Variants in GAD1 observed in about 807,000 individuals in gnomAD.
The protein encoded by GAD1 is glutamate decarboxylase 1.
Under a neutral mutation model 75.2 loss-of-function variants are expected in GAD1, and 35 were observed. The ratio of observed to expected loss-of-function variants is 0.47; its 90% confidence interval spans 0.36 to 0.62. GAD1 has a LOEUF of 0.62. Ranked by LOEUF, GAD1 falls within the 20% of genes least tolerant of loss-of-function variation. GAD1 has a pLI of 0.00. For synonymous variants in GAD1, 257 were observed against 271.9 expected, an observed-to-expected ratio of 0.95 and a Z score of 0.54; for missense variants, 490 against 758.5, an observed-to-expected ratio of 0.65 and a Z score of 4.16.
At chr2:170,833,861 G>C (rs201519882) in intron 5 of GAD1, among the ~76,000 whole-genome samples, 2 of 152,116 alleles carry the variant, frequency 1.3e-5, no homozygotes, top group African/African-American at 4.8e-5. Flanking sequence ...TTAGCTGAGC[G>C]TGGTAGTGTG....
In GAD1 at chr2:170,818,148, G is replaced by A. The variant is rs993082024; in HGVS notation, c.-63-381G>A. On this transcript the variant is annotated intron_variant, in intron 1 of 16. Transcript: ENST00000358196. This position sits in a 1 kb window ranked among gnomAD's most constrained non-coding sequence, Gnocchi z 5.9. ...AATGGGGCTTGTAGCGGCTCGGCTG[G>A]AAAATCGCTCACTGAGCGCTCCCCT... The A allele has an allele frequency of 2.3e-4, 41 of 178,748 alleles. No individual in the cohort carries two copies. Among genetic ancestry groups the A allele is most frequent in the African/African-American group, 9.0e-4 (38 of 42,166 alleles). 11.1% of individuals were successfully genotyped at this position (178,748 alleles called of 1,614,324 possible). A position where few individuals can be genotyped will look rare whatever the true frequency, so the allele number is the denominator to read the frequency against.
At chr2:170,833,135 C>T (rs1702284678) in intron 5 of GAD1, among the ~76,000 whole-genome samples, 1 of 152,240 alleles carries the variant, frequency 6.6e-6, no homozygotes, top group Admixed American at 6.5e-5. Context: ...CCCTCTCATT[C>T]TTCCTCGTCA....
intron 3 of GAD1, among the ~76,000 whole-genome samples, chr2:170,828,079 C>A (rs1207408979): frequency 3.3e-5 from 1 of 30,756 alleles, no homozygotes; most frequent in African/African-American, 1.9e-4. Flanking sequence ...CCTCCCTCTG[C>A]TGTCCTCACC....
chr2:170,847,797 G>A lies in GAD1; in HGVS notation c.1119+5G>A. ...AACCTTTGGTTGCATGTCGATGTAA[G>A]TGCTATATAACTCAGGCCAGTCCAT... On this transcript the variant is annotated splice_donor_5th_base_variant and intron_variant, in intron 11 of 16. Transcript: ENST00000358196. 6.3e-7 allele frequency: 1 copy of A among 1,593,316 alleles called. No individual in the cohort carries two copies. Among genetic ancestry groups the A allele is most frequent in the South Asian group, 1.1e-5 (1 of 90,700 alleles).
intron 7 of GAD1, 150 bp downstream of exon 7, chr2:170,844,307 C>A: frequency 6.4e-6 from 4 of 626,410 alleles, no homozygotes; most frequent in Non-Finnish European, 5.9e-6. Flanking sequence ...AAAAATGCTA[C>A]ATTCTATATG....
intron 6 of GAD1, 100 bp from the exon 7 acceptor site, chr2:170,843,945 T>C (rs1328232175): frequency 5.3e-5 from 39 of 730,642 alleles, no homozygotes; most frequent in Non-Finnish European, 9.2e-5. Context: ...AGCTTTTTTT[T>C]AGAACCCAAC....
chr2:170,824,929 C>CTGTGT (rs111270317), intron 3 of GAD1, among the ~76,000 whole-genome samples: 1 of 149,894 alleles, frequency 6.7e-6, no homozygotes, highest in Non-Finnish European at 1.5e-5. Context: ...AGCCTACACT[C>CTGTGT]GTGTGTGTGT....
intron 6 of GAD1, among the ~76,000 whole-genome samples, chr2:170,839,175 C>T (rs1467420013): frequency 6.6e-6 from 1 of 152,204 alleles, no homozygotes; most frequent in African/African-American, 2.4e-5. Context: ...GTGATAATGC[C>T]TGGTTTTTGG....
At chr2:170,849,674 C>T (rs1322734095) in intron 12 of GAD1, among the ~76,000 whole-genome samples, 3 of 152,172 alleles carry the variant, frequency 2.0e-5, no homozygotes, top group African/African-American at 4.8e-5. Context: ...CACAGTGAGA[C>T]CCTGTCTCTA....
chr2:170,817,945 T>C (rs867283352), intron 1 of GAD1: 2 of 153,312 alleles, frequency 1.3e-5, no homozygotes, highest in African/African-American at 4.8e-5. Context: ...AACGTAAAGA[T>C]ATGGGCCTTT....
chr2:170,842,466 C>T, intron 6 of GAD1: 1 of 1,049,030 alleles, frequency 9.5e-7, no homozygotes, highest in Non-Finnish European at 1.5e-6. Flanking sequence ...ATTAATAACA[C>T]ATTTGTTCAA....
chr2:170,849,871 C>T (rs1056107997), intron 12 of GAD1, among the ~76,000 whole-genome samples: 2 of 152,232 alleles, frequency 1.3e-5, no homozygotes, highest in African/African-American at 4.8e-5. Context: ...GGTTCACTTT[C>T]CTCTTCTTCC....
chr2:170,818,205 G>A lies in GAD1; in HGVS notation c.-63-324G>A. 1 of 301,390 alleles carries A rather than the reference G, an allele frequency of 3.3e-6. No homozygotes were observed. Among genetic ancestry groups the A allele is most frequent in the Non-Finnish European group, 6.5e-6 (1 of 154,846 alleles). The allele number at this position is 301,390 out of a possible 1,614,324, so 18.7% of individuals were successfully genotyped here. On this transcript the variant is annotated intron_variant, in intron 1 of 16. Coordinates refer to ENST00000358196, the MANE Select transcript of GAD1 (RefSeq NM_000817.3). The surrounding 1 kb of genome is among the most constrained non-coding windows in gnomAD (Gnocchi z 5.9). Reference sequence around the variant, plus strand: ...CTAGCCTAGTCCCCCACACCCTTGCGTCTTGTACTGGCCTTGGACCCCCAC... The same window carrying A: ...CTAGCCTAGTCCCCCACACCCTTGCATCTTGTACTGGCCTTGGACCCCCAC...
chr2:170,858,067 G>A (rs1218835940), intron 15 of GAD1, among the ~76,000 whole-genome samples: 2 of 152,202 alleles, frequency 1.3e-5, no homozygotes, highest in Non-Finnish European at 2.9e-5. Context: ...GCCCTGGGCA[G>A]TTTAAAATCA....
intron 13 of GAD1, 53 bp downstream of exon 13, chr2:170,852,845 C>A: frequency 2.0e-6 from 3 of 1,488,146 alleles, no homozygotes; most frequent in East Asian, 2.3e-5. Flanking sequence ...TTAGAAAGCA[C>A]AAAAAGACAC....
At chr2:170,813,537 G>A (rs947145334), upstream of GAD1, 1 of 153,234 alleles carries the variant, frequency 6.5e-6, no homozygotes, top group African/African-American at 2.4e-5. Flanking sequence ...GTTTCCTGGA[G>A]GCTAAAAATT....
chr2:170,825,490 T>C (rs938478132), intron 3 of GAD1, among the ~76,000 whole-genome samples: 2 of 152,280 alleles, frequency 1.3e-5, no homozygotes, highest in Non-Finnish European at 2.9e-5. Context: ...GGGCTTCAGC[T>C]CCCACGTGCC....
rs372707629 is a variant in GAD1 at position 170,826,457 on chromosome 2, A to G, written c.146-3018A>G. The stretch of plus-strand genomic sequence containing the variant: ...GTGGTAGGCACCTGTAATCCCAACT[A>G]CTTGGGAGGCTGAGGCAAGAGAATC... On this transcript the variant is annotated intron_variant, in intron 3 of 16. Coordinates refer to ENST00000358196, the MANE Select transcript of GAD1 (RefSeq NM_000817.3). Among the ~76,000 whole-genome samples the G allele has an allele frequency of 8.6e-5, 13 of 151,268 alleles. 1 individual carries two copies. The East Asian group carries it at 1.6e-3, about 18-fold the overall frequency.
At chr2:170,859,659 G>GA in intron 16 of GAD1, 50 bp from the exon 17 acceptor site, 1 of 1,574,318 alleles carries the variant, frequency 6.4e-7, no homozygotes, top group Non-Finnish European at 8.7e-7. Context: ...GTTAAAAAGA[G>GA]AGGGTGTTCA....
Sources: gnomAD v4.1 joint callset for allele counts (sites outside exome capture counted in the v4.1 genomes callset) on GRCh38, gnomAD v4.1.1 for gene constraint, Gnocchi (gnomAD v3.1) non-coding constraint, MANE v1.5 for transcripts, NCBI Gene and HGNC (gene_info 2026-07-23, HGNC 2026-07-21) for gene names.